The following PRDM10 variants were observed in gnomAD, a reference collection of about 807,000 sequenced individuals.
The protein encoded by PRDM10 is PR/SET domain 10.
PRDM10 carries 65 observed loss-of-function variants against 133.1 expected under a neutral mutation model. The ratio of observed to expected loss-of-function variants is 0.49; its 90% confidence interval spans 0.40 to 0.60. The LOEUF (loss-of-function observed/expected upper bound fraction) is 0.60, where lower values mean the gene tolerates loss of function less well. Among genes scored for constraint, PRDM10 ranks in the 20% least tolerant of loss-of-function variants. PRDM10 has a pLI of 0.00. For missense variants in PRDM10, 1,137 were observed against 1,507.1 expected, an observed-to-expected ratio of 0.75 and a Z score of 4.07; for synonymous variants, 582 against 580.4, an observed-to-expected ratio of 1.00 and a Z score of -0.04.
Position 129,915,739 on chromosome 11 carries a change from C to G in PRDM10, c.2447G>C (p.Ser816Thr). The change falls in exon 16 of 21, where the codon AGC becomes ACC. Residue 816 changes from serine to threonine, a missense_variant. Transcript: ENST00000360871. The part of the protein sequence containing the change: ...AGPGEPDPML[S>T]THTQLTGTIA... ...GGTGCCCGTCAGCTGGGTGTGTGTGCTCAGCATGGGGTCTGGCTCTCCAGG... is the reference window on the plus strand; with the variant it reads ...GGTGCCCGTCAGCTGGGTGTGTGTGGTCAGCATGGGGTCTGGCTCTCCAGG... The G allele has an allele frequency of 6.2e-7, 1 of 1,614,158 alleles. No individual in the cohort carries two copies. Among genetic ancestry groups the G allele is most frequent in the Non-Finnish European group, 8.5e-7 (1 of 1,180,032 alleles).
intron 1 of PRDM10, among the ~76,000 whole-genome samples, chr11:129,962,798 C>A (rs1320550476): frequency 6.6e-6 from 1 of 151,906 alleles, no homozygotes; most frequent in African/African-American, 2.4e-5. Flanking sequence ...GGTGAGTTTC[C>A]TATGGTATAT....
chr11:129,915,609 A>T, intron 16 of PRDM10, 51 bp downstream of exon 16: 1 of 1,513,108 alleles, frequency 6.6e-7, no homozygotes, highest in Non-Finnish European at 8.8e-7. Context: ...TCCTTAAGAG[A>T]TTCCTCGCAT....
intron 4 of PRDM10, among the ~76,000 whole-genome samples, chr11:129,951,590 T>C (rs968020054): frequency 4.6e-5 from 7 of 152,228 alleles, no homozygotes; most frequent in Non-Finnish European, 8.8e-5. Flanking sequence ...TCCCACTTAA[T>C]ACCACTCTCT....
chr11:129,964,787 C>T (rs1416525087), intron 1 of PRDM10, among the ~76,000 whole-genome samples: 1 of 152,036 alleles, frequency 6.6e-6, no homozygotes. Flanking sequence ...GTGTTAGTAT[C>T]CCACATTTTT....
At chr11:129,972,822 A>AGTGCTTTAC (rs1952061750) in intron 1 of PRDM10, among the ~76,000 whole-genome samples, 1 of 152,182 alleles carries the variant, frequency 6.6e-6, no homozygotes, top group African/African-American at 2.4e-5. Context: ...GTCAAGGAAA[A>AGTGCTTTAC]GTGCTTTACC....
chr11:129,936,419 C>T (rs1331602993), intron 8 of PRDM10, among the ~76,000 whole-genome samples: 4 of 152,002 alleles, frequency 2.6e-5, no homozygotes, highest in Non-Finnish European at 5.9e-5. Context: ...TTTGGGAGGC[C>T]GAGGCAGGCA....
chr11:129,976,433 C>T (rs541138137), intron 1 of PRDM10, among the ~76,000 whole-genome samples: 57 of 152,276 alleles, frequency 3.7e-4, no homozygotes, highest in East Asian at 5.8e-4. Flanking sequence ...GAGTGCTTAC[C>T]GTGTGCTAGG....
At chr11:129,971,097 G>A (rs1366301040) in intron 1 of PRDM10, among the ~76,000 whole-genome samples, 1 of 152,134 alleles carries the variant, frequency 6.6e-6, no homozygotes, top group African/African-American at 2.4e-5. Flanking sequence ...TCTTCCTTCT[G>A]GTGGGTTCAT....
At position 129,957,852 on chromosome 11, in the gene PRDM10, A is replaced by T. The variant is rs1951725770; in HGVS notation, c.128T>A (p.Val43Asp). 1.2e-6 allele frequency: 2 copies of T among 1,614,078 alleles called. No homozygotes were observed. The highest frequency in any genetic ancestry group is 1.3e-5 in the African/African-American group (1 of 75,038). ...VAQIVYTDDQVRPPQQVVYTA... is the reference protein window; with the variant it reads ...VAQIVYTDDQDRPPQQVVYTA... ...GTACACCACCTGCTGTGGGGGGCGA[A>T]CCTGGTCATCGGTATAGACAATCTG... is the stretch of plus-strand genomic sequence containing the variant. Residue 43 changes from valine (V) to aspartate (D), a missense_variant, in exon 3 of 21, where the codon GTT becomes GAT. By Grantham distance (152) the Val-to-Asp change is radical. Transcript: ENST00000360871.
At chr11:129,977,346 C>T (rs1243544151) in intron 1 of PRDM10, among the ~76,000 whole-genome samples, 1 of 151,936 alleles carries the variant, frequency 6.6e-6, no homozygotes, top group African/African-American at 2.4e-5. Context: ...TGCAGTGGCG[C>T]GATCTCGGCT....
chr11:129,951,336 A>G (rs1175347143), intron 4 of PRDM10, among the ~76,000 whole-genome samples: 35 of 152,162 alleles, frequency 2.3e-4, no homozygotes, highest in Non-Finnish European at 1.2e-4. Flanking sequence ...AATTCAGTCT[A>G]TTCAAGGAGG....
chr11:129,969,741 A>C (rs1277481655), intron 1 of PRDM10, among the ~76,000 whole-genome samples: 1 of 152,168 alleles, frequency 6.6e-6, no homozygotes, highest in East Asian at 1.9e-4. Flanking sequence ...CGGAAGGCAG[A>C]GGTTGCAGTG....
chr11:129,995,779 C>G (rs1463481570), intron 1 of PRDM10, among the ~76,000 whole-genome samples: 1 of 152,086 alleles, frequency 6.6e-6, no homozygotes, highest in Non-Finnish European at 1.5e-5. Flanking sequence ...AACCCCGTCT[C>G]TACTAAAAAT....
chr11:129,963,769 T>C (rs1388167668), intron 1 of PRDM10, among the ~76,000 whole-genome samples: 2 of 152,240 alleles, frequency 1.3e-5, no homozygotes, highest in Non-Finnish European at 2.9e-5. Context: ...AAAATGAGGC[T>C]GTTAACACGG....
Position 129,961,069 on chromosome 11 carries a change from T to A in PRDM10, c.-105A>T. 1.1e-6 allele frequency: 1 copy of A among 903,454 alleles called. No individual in the cohort carries two copies. 56.0% of individuals were successfully genotyped at this position (903,454 alleles called of 1,614,324 possible). ...TGTGTTCATGAAGGACGGAAAGGTC[T>A]GTCTGCAGCATGCCTGAGAAAACAC... On this transcript the variant is annotated 5_prime_UTR_variant, in exon 2 of 21. Transcript: ENST00000360871.
chr11:129,911,505 T>G (rs1240404999), intron 18 of PRDM10, among the ~76,000 whole-genome samples: 1 of 152,210 alleles, frequency 6.6e-6, no homozygotes, highest in East Asian at 1.9e-4. Flanking sequence ...CAAACATCAT[T>G]TCCTGTGAGT....
chr11:129,956,603 C>T (rs1293708836), intron 3 of PRDM10, among the ~76,000 whole-genome samples: 1 of 152,050 alleles, frequency 6.6e-6, no homozygotes, highest in African/African-American at 2.4e-5. Flanking sequence ...AAAAATTATC[C>T]AAATTCAGAC....
intron 1 of PRDM10, among the ~76,000 whole-genome samples, chr11:129,971,229 T>C (rs561002031): frequency 6.6e-6 from 1 of 152,162 alleles, no homozygotes; most frequent in African/African-American, 2.4e-5. Flanking sequence ...AGAACAAAGC[T>C]CCCACGGTGT....
At chr11:129,952,978 CTT>C (rs35319349) in intron 4 of PRDM10, among the ~76,000 whole-genome samples, 4 of 146,148 alleles carry the variant, frequency 2.7e-5, no homozygotes, top group Admixed American at 6.9e-5. Flanking sequence ...TAAAATTAGT[CTT>C]TTTTTTTTTT....
Sources: allele counts gnomAD v4.1 joint callset (sites outside exome capture counted in the v4.1 genomes callset), GRCh38; gene constraint gnomAD v4.1.1; transcripts MANE v1.5; gene names NCBI Gene and HGNC (gene_info 2026-07-23, HGNC 2026-07-21).